VPS54: variants seen among roughly 807,000 people sequenced by gnomAD.
The protein encoded by VPS54 is VPS54 subunit of GARP complex, also known as vacuolar protein sorting-associated protein 54.
Under a neutral mutation model 121.5 loss-of-function variants are expected in VPS54, and 45 were observed. The observed-to-expected ratio is 0.37, with a 90% CI of 0.29 to 0.47. The LOEUF (loss-of-function observed/expected upper bound fraction) is 0.47. Ranked by LOEUF, VPS54 falls within the 20% of genes least tolerant of loss-of-function variation. The pLI, the probability that VPS54 is intolerant of heterozygous loss-of-function variation, is 0.99. For synonymous variants in VPS54, 371 were observed against 385.8 expected (o/e 0.96, Z 0.45); for missense variants, 1,090 against 1,131.4 (o/e 0.96, Z 0.52).
chr2:63,942,356 A>G, intron 11 of VPS54, 109 bp downstream of exon 11: 2 of 762,112 alleles, frequency 2.6e-6, no homozygotes, highest in Non-Finnish European at 3.8e-6. Flanking sequence ...AATTACAAAA[A>G]CAAAGAAACT....
chr2:63,945,387 T>C (rs1056806243), intron 9 of VPS54, among the ~76,000 whole-genome samples: 3 of 152,204 alleles, frequency 2.0e-5, no homozygotes, highest in Admixed American at 6.5e-5. Flanking sequence ...GTGGAGACTA[T>C]TGGAGAGTGG....
chr2:63,977,655 T>C (rs1454033375), intron 3 of VPS54, among the ~76,000 whole-genome samples: 1 of 152,234 alleles, frequency 6.6e-6, no homozygotes, highest in Non-Finnish European at 1.5e-5. Flanking sequence ...CATAGTTACT[T>C]TGAGTTCCCA....
chr2:63,953,231 A>C (rs948720611), intron 7 of VPS54, among the ~76,000 whole-genome samples: 3 of 150,408 alleles, frequency 2.0e-5, no homozygotes, highest in Non-Finnish European at 4.4e-5. Flanking sequence ...TCCCAGGTTC[A>C]AGCAATTCTC....
chr2:64,016,685 T>C (rs1005839520), intron 1 of VPS54, among the ~76,000 whole-genome samples: 1 of 151,606 alleles, frequency 6.6e-6, no homozygotes, highest in Non-Finnish European at 1.5e-5. Flanking sequence ...CTTGGCTCAC[T>C]GCAACCTCCA....
intron 1 of VPS54, among the ~76,000 whole-genome samples, chr2:64,016,989 G>A (rs1325395459): frequency 7.2e-6 from 1 of 139,412 alleles, no homozygotes; most frequent in Non-Finnish European, 1.5e-5. Context: ...GCAAAGAGCA[G>A]GAAAGAGGAA....
intron 20 of VPS54, among the ~76,000 whole-genome samples, chr2:63,900,220 CAAAA>C (rs70965149): frequency 7.9e-5 from 5 of 63,388 alleles, no homozygotes; most frequent in Non-Finnish European, 1.3e-4. Context: ...AACTCTGTCT[CAAAA>C]AAAAAAAAAA....
chr2:63,939,914 C>T (rs771677517), intron 11 of VPS54, among the ~76,000 whole-genome samples: 5 of 152,188 alleles, frequency 3.3e-5, no homozygotes, highest in East Asian at 3.9e-4. Flanking sequence ...TGCACCAACA[C>T]GCCCAGCTAA....
At chr2:64,012,052 T>C (rs1251528619) in intron 1 of VPS54, among the ~76,000 whole-genome samples, 2 of 152,132 alleles carry the variant, frequency 1.3e-5, no homozygotes, top group African/African-American at 4.8e-5. Context: ...AAACAAACAA[T>C]AAATTAGTAT....
chr2:63,948,704 G>C (rs1223391650), intron 8 of VPS54, among the ~76,000 whole-genome samples: 1 of 151,972 alleles, frequency 6.6e-6, no homozygotes, highest in African/African-American at 2.4e-5. Flanking sequence ...GCCCAACTAT[G>C]ATCACTTTTT....
At chr2:63,998,139 T>C (rs547332579) in intron 1 of VPS54, among the ~76,000 whole-genome samples, 1 of 152,244 alleles carries the variant, frequency 6.6e-6, no homozygotes, top group Non-Finnish European at 1.5e-5. Context: ...GTTAGGTGCA[T>C]ATATATTTAC....
chr2:63,989,532 C>A (rs895682468), intron 1 of VPS54, among the ~76,000 whole-genome samples: 7 of 152,196 alleles, frequency 4.6e-5, no homozygotes, highest in African/African-American at 9.7e-5. Context: ...ATATCGGGAA[C>A]TGGTTCCCCC....
intron 20 of VPS54, among the ~76,000 whole-genome samples, chr2:63,904,612 G>A (rs1371859111): frequency 6.6e-6 from 1 of 152,080 alleles, no homozygotes; most frequent in African/African-American, 2.4e-5. Context: ...AAAAACTTCA[G>A]TGCTCATCTC....
chr2:64,004,136 CAT>C (rs987282143), intron 1 of VPS54, among the ~76,000 whole-genome samples: 3 of 149,380 alleles, frequency 2.0e-5, no homozygotes, highest in African/African-American at 7.4e-5. Flanking sequence ...TAGAGTATAA[CAT>C]ATGGAATAAG....
At chr2:63,947,653 G>T (rs1473624619) in intron 8 of VPS54, among the ~76,000 whole-genome samples, 163 bp from the exon 9 acceptor site, 1 of 151,872 alleles carries the variant, frequency 6.6e-6, no homozygotes, top group Non-Finnish European at 1.5e-5. Context: ...ATCTTATCAT[G>T]AGATTTTTGG....
At chr2:64,014,561 A>G (rs1262231469) in intron 1 of VPS54, among the ~76,000 whole-genome samples, 5 of 152,162 alleles carry the variant, frequency 3.3e-5, no homozygotes, top group Non-Finnish European at 7.4e-5. Flanking sequence ...TTTGTTATCA[A>G]TATTTGTATT....
At chr2:63,987,573 G>T (rs553802050) in intron 1 of VPS54, among the ~76,000 whole-genome samples, 1 of 152,114 alleles carries the variant, frequency 6.6e-6, no homozygotes, top group South Asian at 2.1e-4. Context: ...AATTTAATTG[G>T]TATTTTGATA....
intron 1 of VPS54, among the ~76,000 whole-genome samples, chr2:64,014,466 T>C (rs1465847220): frequency 2.6e-5 from 4 of 152,246 alleles, no homozygotes; most frequent in African/African-American, 9.6e-5. Context: ...ATAACGGTGA[T>C]ACTCTCAGGT....
At chr2:63,899,442 A>G in intron 21 of VPS54, 32 bp downstream of exon 21, 9 of 1,578,656 alleles carry the variant, frequency 5.7e-6, no homozygotes, top group Non-Finnish European at 7.0e-6. Flanking sequence ...TATGTTATAT[A>G]TACATGAATA....
intron 4 of VPS54, among the ~76,000 whole-genome samples, chr2:63,969,396 G>A (rs1310349603): frequency 5.3e-5 from 8 of 152,074 alleles, no homozygotes; most frequent in East Asian, 1.9e-4. Context: ...TCACATTACC[G>A]TCTGAGCTCC....
Sources: allele counts gnomAD v4.1 joint callset (sites outside exome capture counted in the v4.1 genomes callset), GRCh38; gene constraint gnomAD v4.1.1; transcripts MANE v1.5; gene names NCBI Gene and HGNC (gene_info 2026-07-23, HGNC 2026-07-21).